The following STPG2 variants were observed in gnomAD, a reference collection of about 807,000 sequenced individuals.
The protein encoded by STPG2 is sperm tail PG-rich repeat containing 2.
In STPG2, 56 loss-of-function variants were observed where a neutral mutation model predicts 54.2. The ratio of observed to expected loss-of-function variants is 1.03; its 90% CI spans 0.83 to 1.29. The LOEUF (loss-of-function observed/expected upper bound fraction) is 1.29, where lower values mean the gene tolerates loss of function less well. Among genes scored for constraint, STPG2 ranks in the 50% most tolerant of loss-of-function variants. The pLI, the probability that STPG2 is intolerant of heterozygous loss-of-function variation, is 0.00. For synonymous variants in STPG2, 200 were observed against 181.8 expected (o/e 1.10, Z -0.81); for missense variants, 596 against 544.9 (o/e 1.09, Z -0.93).
At chr4:98,066,234 G>T (rs1014825230) in intron 5 of STPG2, among the ~76,000 whole-genome samples, 2 of 152,094 alleles carry the variant, frequency 1.3e-5, no homozygotes, top group Admixed American at 1.3e-4. Flanking sequence ...TTCAGTATGG[G>T]ATATAGTATG....
intron 9 of STPG2, among the ~76,000 whole-genome samples, chr4:97,715,516 T>C (rs1282496612): frequency 2.0e-5 from 3 of 152,112 alleles, no homozygotes; most frequent in African/African-American, 4.8e-5. Context: ...TAAAAACCTA[T>C]GTTTCTGTCC....
At chr4:97,968,207 T>G (rs889316968) in intron 7 of STPG2, among the ~76,000 whole-genome samples, 1 of 152,006 alleles carries the variant, frequency 6.6e-6, no homozygotes, top group Non-Finnish European at 1.5e-5. Context: ...AAATACAAAC[T>G]ACCATCAGAG....
intron 5 of STPG2, among the ~76,000 whole-genome samples, chr4:98,015,350 C>G (rs1735908361): frequency 1.3e-5 from 2 of 150,186 alleles, no homozygotes; most frequent in Non-Finnish European, 1.5e-5. Context: ...AGAATTTAAA[C>G]AAATTTACAA....
At chr4:97,515,232 A>G (rs1004351478) in intron 4 of STPG2, among the ~76,000 whole-genome samples, 2 of 152,104 alleles carry the variant, frequency 1.3e-5, no homozygotes, top group East Asian at 3.9e-4. Flanking sequence ...TTGCATTATA[A>G]TAAGTAGTTA....
intron 8 of STPG2, among the ~76,000 whole-genome samples, chr4:97,922,190 T>C (rs1039983040): frequency 3.9e-5 from 6 of 152,178 alleles, no homozygotes; most frequent in Admixed American, 1.3e-4. Flanking sequence ...TTTGTGGTGA[T>C]GAATATGTTA....
intron 8 of STPG2, among the ~76,000 whole-genome samples, chr4:97,866,727 A>T (rs1305935777): frequency 6.6e-6 from 1 of 151,858 alleles, no homozygotes; most frequent in Non-Finnish European, 1.5e-5. Flanking sequence ...AAAGCTGAAA[A>T]CTGTATTTCC....
intron 5 of STPG2, among the ~76,000 whole-genome samples, chr4:97,999,019 T>C (rs1412973706): frequency 1.5e-5 from 2 of 136,062 alleles, no homozygotes; most frequent in Non-Finnish European, 3.3e-5. Context: ...TATTTTTTTT[T>C]CTGTAATAAA....
At chr4:97,447,812 T>C (rs540321511) in intron 4 of STPG2, among the ~76,000 whole-genome samples, 2 of 152,300 alleles carry the variant, frequency 1.3e-5, no homozygotes, top group African/African-American at 2.4e-5. Flanking sequence ...AAATGTAGGG[T>C]TGGAGCCCCC....
intron 8 of STPG2, among the ~76,000 whole-genome samples, chr4:97,866,145 T>C (rs1271851470): frequency 6.6e-6 from 1 of 151,834 alleles, no homozygotes; most frequent in Non-Finnish European, 1.5e-5. Flanking sequence ...GGTAAAAATA[T>C]GGTTAGATAG....
Position 98,143,350 on chromosome 4 carries a change from C to G in STPG2, c.-200G>C. ...CAGATTTCCTCAAATCGATTTCTAG[C>G]TCTGTGGTAAAGTAGAGGGGTGAGC... On this transcript the variant is annotated 5_prime_UTR_variant, in exon 1 of 11. Coordinates refer to ENST00000295268, the MANE Select transcript of STPG2 (RefSeq NM_174952.3). 1 of 570,444 alleles carries G rather than the reference C, an allele frequency of 1.8e-6. No individual in the cohort carries two copies. Among genetic ancestry groups the G allele is most frequent in the Non-Finnish European group, 3.1e-6 (1 of 317,682 alleles). 35.3% of individuals were successfully genotyped at this position (570,444 alleles called of 1,614,324 possible). A position where few individuals can be genotyped will look rare whatever the true frequency, so the allele number is the denominator to read the frequency against.
At chr4:97,683,273 T>C (rs1723086404) in intron 10 of STPG2, among the ~76,000 whole-genome samples, 1 of 151,762 alleles carries the variant, frequency 6.6e-6, no homozygotes, top group Admixed American at 6.6e-5. Flanking sequence ...TATTCAACAG[T>C]CATTAAAGCT....
At chr4:97,666,365 A>C (rs1332057687) in intron 10 of STPG2, among the ~76,000 whole-genome samples, 1 of 152,232 alleles carries the variant, frequency 6.6e-6, no homozygotes, top group Non-Finnish European at 1.5e-5. Context: ...CATTTCCTAG[A>C]ACATGCAATG....
chr4:97,562,559 T>C (rs1373102369), intron 10 of STPG2, among the ~76,000 whole-genome samples: 3 of 152,222 alleles, frequency 2.0e-5, no homozygotes, highest in Non-Finnish European at 4.4e-5. Context: ...GCCCATTCAG[T>C]ATGATATTGG....
intron 10 of STPG2, among the ~76,000 whole-genome samples, chr4:97,563,387 C>A (rs563607815): frequency 3.5e-4 from 53 of 152,224 alleles, no homozygotes; most frequent in Middle Eastern, 3.4e-3. Flanking sequence ...TTCAAAAAAC[C>A]AGCTCCTGGA....
At chr4:97,902,254 T>C (rs369877415) in intron 8 of STPG2, among the ~76,000 whole-genome samples, 2 of 152,104 alleles carry the variant, frequency 1.3e-5, no homozygotes, top group East Asian at 1.9e-4. Flanking sequence ...AATAATCTCA[T>C]GGATCTGAGA....
chr4:97,589,166 A>G (rs1158073825), intron 10 of STPG2, among the ~76,000 whole-genome samples: 1 of 152,064 alleles, frequency 6.6e-6, no homozygotes, highest in Admixed American at 6.6e-5. Flanking sequence ...ATGTAGTGAA[A>G]GGTATGTTCT....
chr4:97,680,143 G>GT (rs1259978921), intron 10 of STPG2, among the ~76,000 whole-genome samples: 1 of 150,758 alleles, frequency 6.6e-6, no homozygotes, highest in African/African-American at 2.4e-5. Flanking sequence ...CTTGAAAGTA[G>GT]TTTTTTCCAA....
chr4:97,709,233 T>G (rs560407358), intron 10 of STPG2, among the ~76,000 whole-genome samples: 1 of 151,838 alleles, frequency 6.6e-6, no homozygotes, highest in East Asian at 1.9e-4. Context: ...TTAAATACAG[T>G]TGACTTTAAC....
intron 5 of STPG2, among the ~76,000 whole-genome samples, chr4:98,066,735 G>A (rs1462562953): frequency 6.6e-6 from 1 of 152,142 alleles, no homozygotes; most frequent in Non-Finnish European, 1.5e-5. Flanking sequence ...AGCAACTACT[G>A]TTGTTTGTGA....
Sources: allele counts gnomAD v4.1 joint callset (sites outside exome capture counted in the v4.1 genomes callset), GRCh38; gene constraint gnomAD v4.1.1; transcripts MANE v1.5; gene names NCBI Gene and HGNC (gene_info 2026-07-23, HGNC 2026-07-21).